ARHGAP15: variants seen among roughly 807,000 people sequenced by gnomAD.
The protein encoded by ARHGAP15 is Rho GTPase activating protein 15, also known as rho GTPase-activating protein 15.
A neutral mutation model predicts 63.7 loss-of-function variants in ARHGAP15; 51 were observed. The observed-to-expected ratio is 0.80, with a 90% CI of 0.64 to 1.01. ARHGAP15 has a LOEUF of 1.01. Ranked by LOEUF, ARHGAP15 falls within the 50% of genes least tolerant of loss-of-function variation. The pLI, the probability that ARHGAP15 is intolerant of heterozygous loss-of-function variation, is 0.00. For synonymous variants in ARHGAP15, 191 were observed against 193.8 expected (o/e 0.99, Z 0.12); for missense variants, 560 against 564.6 (o/e 0.99, Z 0.08).
chr2:143,258,558 A>T (rs1439580684), intron 6 of ARHGAP15, among the ~76,000 whole-genome samples: 1 of 152,160 alleles, frequency 6.6e-6, no homozygotes, highest in African/African-American at 2.4e-5. Flanking sequence ...AAAGGATATA[A>T]AACACTGCAG....
At chr2:143,602,078 T>C (rs898727085) in intron 11 of ARHGAP15, among the ~76,000 whole-genome samples, 1 of 152,154 alleles carries the variant, frequency 6.6e-6, no homozygotes, top group Non-Finnish European at 1.5e-5. Context: ...AAATAATATA[T>C]CTTCATAAAA....
intron 2 of ARHGAP15, among the ~76,000 whole-genome samples, chr2:143,179,212 T>C (rs989395141): frequency 2.6e-4 from 40 of 152,224 alleles, no homozygotes; most frequent in African/African-American, 9.2e-4. Context: ...GTTTGATATC[T>C]CAAAGCTAAA....
chr2:143,576,345 C>A (rs1696680479), intron 11 of ARHGAP15, among the ~76,000 whole-genome samples: 1 of 151,978 alleles, frequency 6.6e-6, no homozygotes, highest in Non-Finnish European at 1.5e-5. Flanking sequence ...TGGTGACTGA[C>A]CAGATGGTTG....
At chr2:143,378,613 G>T (rs372156374) in intron 6 of ARHGAP15, among the ~76,000 whole-genome samples, 1 of 152,134 alleles carries the variant, frequency 6.6e-6, no homozygotes, top group Non-Finnish European at 1.5e-5. Context: ...TATCATTTTA[G>T]CCAGTTTTTT....
intron 10 of ARHGAP15, among the ~76,000 whole-genome samples, chr2:143,536,494 G>A (rs913235837): frequency 6.6e-6 from 1 of 150,520 alleles, no homozygotes; most frequent in Non-Finnish European, 1.5e-5. Context: ...TTTAGCATTA[G>A]GTATATCTCC....
At chr2:143,641,162 G>A (rs186853427) in intron 12 of ARHGAP15, 1 of 152,210 alleles carries the variant, frequency 6.6e-6, no homozygotes, top group East Asian at 1.9e-4. Flanking sequence ...TGAACCTCTT[G>A]GCACCAGATT....
chr2:143,258,247 A>T lies in ARHGAP15; in HGVS notation c.474+7647A>T, dbSNP rs577545488. Among the ~76,000 whole-genome samples, 68 of 142,494 alleles carry T rather than the reference A, an allele frequency of 4.8e-4. 1 individual carries two copies. The South Asian group carries it at 0.015, about 32-fold the overall frequency. 93.5% of individuals were successfully genotyped at this position (142,494 alleles called of 152,430 possible). On this transcript the variant is annotated intron_variant, in intron 6 of 13. Transcript: ENST00000295095. ...AAGCTGGATCTGAAAGCAAGAGAAA[A>T]AATACATATATATATATATGTATTC... is the stretch of plus-strand genomic sequence containing the variant.
At chr2:143,408,098 G>A (rs1487816772) in intron 6 of ARHGAP15, among the ~76,000 whole-genome samples, 1 of 145,914 alleles carries the variant, frequency 6.9e-6, no homozygotes, top group South Asian at 2.1e-4. Context: ...GCCTGTGCCT[G>A]AGCCCCACAC....
At chr2:143,544,726 G>A (rs1001889952) in intron 10 of ARHGAP15, among the ~76,000 whole-genome samples, 1 of 152,098 alleles carries the variant, frequency 6.6e-6, no homozygotes, top group African/African-American at 2.4e-5. Flanking sequence ...CTGGAGAGTT[G>A]GAATTCACCA....
intron 6 of ARHGAP15, among the ~76,000 whole-genome samples, chr2:143,427,063 T>C (rs1007971382): frequency 2.0e-5 from 3 of 152,172 alleles, no homozygotes; most frequent in African/African-American, 7.2e-5. Context: ...CTGAATCTAA[T>C]GCAAATAAGT....
At chr2:143,140,554 T>C (rs1558769969) in intron 1 of ARHGAP15, among the ~76,000 whole-genome samples, 1 of 152,108 alleles carries the variant, frequency 6.6e-6, no homozygotes, top group Non-Finnish European at 1.5e-5. Context: ...GTAAGGTAGA[T>C]AGTCCACAAG....
At chr2:143,678,561 A>G (rs1682938052) in intron 12 of ARHGAP15, among the ~76,000 whole-genome samples, 1 of 152,202 alleles carries the variant, frequency 6.6e-6, no homozygotes. Flanking sequence ...ATCTCTGCCC[A>G]AAACTACATA....
intron 6 of ARHGAP15, among the ~76,000 whole-genome samples, chr2:143,383,754 G>A (rs1018490837): frequency 5.3e-5 from 8 of 152,100 alleles, no homozygotes; most frequent in Admixed American, 4.6e-4. Context: ...TAATTCATTT[G>A]CTTTGACATC....
At chr2:143,734,684 G>A (rs573498684) in intron 13 of ARHGAP15, among the ~76,000 whole-genome samples, 1 of 152,134 alleles carries the variant, frequency 6.6e-6, no homozygotes, top group Admixed American at 6.5e-5. Flanking sequence ...CATATAATTT[G>A]ATTTATTTTA....
intron 2 of ARHGAP15, 51 bp downstream of exon 2, chr2:143,155,706 T>C: frequency 1.3e-6 from 2 of 1,481,486 alleles, no homozygotes; most frequent in Non-Finnish European, 1.8e-6. Flanking sequence ...CAGAATTTTG[T>C]AAAAGGAAAA....
intron 6 of ARHGAP15, among the ~76,000 whole-genome samples, chr2:143,347,803 T>C (rs1053425480): frequency 7.3e-6 from 1 of 137,176 alleles, no homozygotes; most frequent in Admixed American, 8.0e-5. Context: ...CCAAGTCCTT[T>C]TGACTTCGTG....
chr2:143,170,019 C>T (rs1690709372), intron 2 of ARHGAP15, among the ~76,000 whole-genome samples: 1 of 151,862 alleles, frequency 6.6e-6, no homozygotes. Flanking sequence ...TGTATAAAGT[C>T]CTTTTGTCAG....
chr2:143,660,287 C>G (rs1681689316), intron 12 of ARHGAP15, among the ~76,000 whole-genome samples: 1 of 152,116 alleles, frequency 6.6e-6, no homozygotes, highest in South Asian at 2.1e-4. Context: ...AATGTCTTTC[C>G]TATTCTGTAA....
At chr2:143,298,706 A>G (rs998590202) in intron 6 of ARHGAP15, among the ~76,000 whole-genome samples, 2 of 151,926 alleles carry the variant, frequency 1.3e-5, no homozygotes, top group Non-Finnish European at 2.9e-5. Flanking sequence ...CCTCACATAT[A>G]TGGCAATAGT....
Sources: gnomAD v4.1 joint callset for allele counts (sites outside exome capture counted in the v4.1 genomes callset) on GRCh38, gnomAD v4.1.1 for gene constraint, MANE v1.5 for transcripts, NCBI Gene and HGNC (gene_info 2026-07-23, HGNC 2026-07-21) for gene names.